Variants in EML6 observed in about 807,000 individuals in gnomAD.
The protein encoded by EML6 is echinoderm microtubule-associated protein-like 6.
Under a neutral mutation model 240.1 loss-of-function variants are expected in EML6, and 154 were observed. The ratio of observed to expected loss-of-function variants is 0.64; its 90% CI spans 0.56 to 0.73. The LOEUF is 0.73. EML6 is among the 30% of genes least tolerant of loss of function. The pLI is 0.00. For synonymous variants in EML6, 1,148 were observed against 899.0 expected (o/e 1.28, Z -4.95); for missense variants, 2,964 against 2,474.6 (o/e 1.20, Z -4.20).
intron 24 of EML6, among the ~76,000 whole-genome samples, chr2:54,909,766 C>T (rs1673540635): frequency 6.8e-6 from 1 of 147,660 alleles, no homozygotes; most frequent in Non-Finnish European, 1.5e-5. Flanking sequence ...ATCGCTTGAA[C>T]TTGAGAGGCA....
intron 28 of EML6, among the ~76,000 whole-genome samples, chr2:54,942,688 G>T (rs191080222): frequency 3.5e-4 from 54 of 152,188 alleles, no homozygotes; most frequent in African/African-American, 1.3e-3. Context: ...TCCTGTCTCT[G>T]AGCAATTCAG....
Position 54,902,968 on chromosome 2 carries a change from TTTC to T in EML6, c.3125-72_3125-70del, listed in dbSNP as rs756344005. On this transcript the variant is annotated intron_variant, in intron 22 of 41. Coordinates refer to ENST00000356458, the MANE Select transcript of EML6 (RefSeq NM_001039753.4). ...TCCATACATAATGCACATCATCAGA[TTTC>T]TTCATCTTTTCATGTGGTTTGCTTG... 1.1e-4 allele frequency: 152 copies of T among 1,362,252 alleles called. 1 individual carries two copies. The highest frequency in any genetic ancestry group is 1.5e-4 in the Non-Finnish European group (147 of 988,472). The allele number at this position is 1,362,252 out of a possible 1,614,324, so 84.4% of individuals were successfully genotyped here.
At chr2:54,762,451 A>T in intron 2 of EML6, among the ~76,000 whole-genome samples, 1 of 152,174 alleles carries the variant, frequency 6.6e-6, no homozygotes, top group Middle Eastern at 3.2e-3. Flanking sequence ...TTTTCTAATT[A>T]TAGAGTAATT....
chr2:54,831,372 A>T (rs11125548), intron 7 of EML6, among the ~76,000 whole-genome samples: 27,140 of 152,168 alleles, frequency 0.18, 3,510 homozygotes, highest in African/African-American at 0.34. Context: ...TTTCTGCCCA[A>T]TACTGAGTCC....
At chr2:54,930,619 A>G (rs1376122175) in intron 28 of EML6, among the ~76,000 whole-genome samples, 1 of 152,144 alleles carries the variant, frequency 6.6e-6, no homozygotes, top group East Asian at 1.9e-4. Context: ...ACCAGGATTT[A>G]GTGAAGAAAA....
chr2:54,966,251 T>A (rs780029208), intron 38 of EML6, among the ~76,000 whole-genome samples: 6 of 152,272 alleles, frequency 3.9e-5, no homozygotes, highest in Middle Eastern at 3.4e-3. Flanking sequence ...TCTCAGCAAG[T>A]GATATTTAAG....
At chr2:54,744,519 G>C (rs1337934626) in intron 2 of EML6, among the ~76,000 whole-genome samples, 1 of 152,114 alleles carries the variant, frequency 6.6e-6, no homozygotes, top group Non-Finnish European at 1.5e-5. Flanking sequence ...AGCATGGACA[G>C]GGGAGTGGGG....
chr2:54,889,818 T>C (rs906192837), intron 17 of EML6, among the ~76,000 whole-genome samples: 1 of 152,260 alleles, frequency 6.6e-6, no homozygotes, highest in Admixed American at 6.5e-5. Flanking sequence ...ATGGTAGTGG[T>C]AATTATCCTG....
chr2:54,735,024 G>T (rs1307863117), intron 2 of EML6, among the ~76,000 whole-genome samples: 3 of 152,086 alleles, frequency 2.0e-5, no homozygotes, highest in African/African-American at 7.2e-5. Context: ...CCTGAATCTG[G>T]CATCCTATTT....
chr2:54,899,915 A>C (rs1480813991), intron 22 of EML6, 133 bp downstream of exon 22: 1 of 888,684 alleles, frequency 1.1e-6, no homozygotes, highest in Non-Finnish European at 1.7e-6. Context: ...TGAGAATTTT[A>C]TATTGGTTGC....
rs1233264930 is a variant in EML6 at position 54,949,041 on chromosome 2, GAC to G, written c.4083+85_4083+86del. The stretch of plus-strand genomic sequence containing the variant: ...GACATCCCCATCTGCACGTCCCAAA[GAC>G]ACAGTCAAATGAAACGGAGTAGGTC... On this transcript the variant is annotated intron_variant, in intron 29 of 41. Coordinates refer to ENST00000356458, the MANE Select transcript of EML6 (RefSeq NM_001039753.4). The G allele has an allele frequency of 2.1e-5, 22 of 1,048,350 alleles. No individual in the cohort carries two copies. The African/African-American group carries it at 2.9e-4, about 14-fold the overall frequency. 64.9% of individuals were successfully genotyped at this position (1,048,350 alleles called of 1,614,324 possible). A position where few individuals can be genotyped will look rare whatever the true frequency, so the allele number is the denominator to read the frequency against.
Position 54,823,201 on chromosome 2 carries a change from C to T in EML6, c.525+2739C>T, listed in dbSNP as rs549110774. 4.5e-4 allele frequency among the ~76,000 whole-genome samples: 69 copies of T among 152,252 alleles called. 1 individual carries two copies. The South Asian group carries it at 0.012, about 26-fold the overall frequency. ...AAAGGTAAAAATCAAAGCCCTCTAT[C>T]GATAAAGATGACATCCCAGCTGGCT... On this transcript the variant is annotated intron_variant, in intron 5 of 41. Transcript: ENST00000356458.
chr2:54,961,205 A>T (rs1335830909), intron 35 of EML6, among the ~76,000 whole-genome samples: 2 of 2,792 alleles, frequency 7.2e-4, no homozygotes. Flanking sequence ...TTTTTTTTTG[A>T]GACGGAGTCT....
intron 2 of EML6, among the ~76,000 whole-genome samples, chr2:54,795,271 C>T (rs1302957486): frequency 6.6e-6 from 1 of 152,130 alleles, no homozygotes; most frequent in Non-Finnish European, 1.5e-5. Flanking sequence ...AAAGGGGAAG[C>T]AGGGCATGTC....
intron 28 of EML6, among the ~76,000 whole-genome samples, chr2:54,947,431 T>G (rs569975209): frequency 6.6e-6 from 1 of 152,220 alleles, no homozygotes; most frequent in Non-Finnish European, 1.5e-5. Context: ...TTATCACTTA[T>G]GATTACATAA....
At chr2:54,851,302 A>G (rs1670073436) in intron 10 of EML6, among the ~76,000 whole-genome samples, 1 of 152,126 alleles carries the variant, frequency 6.6e-6, no homozygotes, top group Admixed American at 6.5e-5. Context: ...ATTTCCAGCT[A>G]CTTGGGAGGC....
chr2:54,850,769 C>T (rs979570504), intron 10 of EML6, among the ~76,000 whole-genome samples: 93 of 152,234 alleles, frequency 6.1e-4, no homozygotes, highest in South Asian at 1.2e-3. Flanking sequence ...GGCATGTGCG[C>T]ACAAGGATGT....
chr2:54,912,125 C>A (rs531000433), intron 25 of EML6, among the ~76,000 whole-genome samples: 5 of 152,164 alleles, frequency 3.3e-5, no homozygotes, highest in Non-Finnish European at 7.3e-5. Flanking sequence ...CATTTGGACA[C>A]GTGTACATTT....
At chr2:54,844,354 T>A in intron 8 of EML6, 106 bp downstream of exon 8, 2 of 873,510 alleles carry the variant, frequency 2.3e-6, no homozygotes, top group Non-Finnish European at 1.8e-6. Flanking sequence ...CCACACAGTT[T>A]CCAAATGAAA....
Sources: gnomAD v4.1 joint callset for allele counts (sites outside exome capture counted in the v4.1 genomes callset) on GRCh38, gnomAD v4.1.1 for gene constraint, MANE v1.5 for transcripts, NCBI Gene and HGNC (gene_info 2026-07-23, HGNC 2026-07-21) for gene names.